ANO2: variants seen among roughly 807,000 people sequenced by gnomAD.
ANO2 encodes anoctamin-2.
ANO2 carries 101 observed loss-of-function variants against 124.2 expected under a neutral mutation model. The ratio of observed to expected loss-of-function variants is 0.81; its 90% CI spans 0.69 to 0.96. The LOEUF (loss-of-function observed/expected upper bound fraction) is 0.96. Ranked by LOEUF, ANO2 falls within the 40% of genes least tolerant of loss-of-function variation. The pLI is 0.00. For missense variants in ANO2, 1,293 were observed against 1,274.5 expected (o/e 1.01, Z -0.22); for synonymous variants, 486 against 482.5 (o/e 1.01, Z -0.09).
At chr12:5,713,595 G>C (rs532766358) in intron 14 of ANO2, among the ~76,000 whole-genome samples, 15 of 152,182 alleles carry the variant, frequency 9.9e-5, no homozygotes, top group Non-Finnish European at 2.2e-4. Flanking sequence ...AGAGGGGTCA[G>C]TGTAAAAACA....
chr12:5,829,754 A>G (rs945623816), intron 6 of ANO2, among the ~76,000 whole-genome samples: 2 of 152,200 alleles, frequency 1.3e-5, no homozygotes, highest in African/African-American at 4.8e-5. Flanking sequence ...GATGTTCTAC[A>G]GCTCATGCAG....
chr12:5,816,723 T>C (rs1565692618), intron 7 of ANO2, among the ~76,000 whole-genome samples: 1 of 152,306 alleles, frequency 6.6e-6, no homozygotes. Context: ...ATGATTTACA[T>C]TGATACTTAG....
chr12:5,583,008 G>A (rs549257121), intron 20 of ANO2, among the ~76,000 whole-genome samples: 1 of 152,250 alleles, frequency 6.6e-6, no homozygotes, highest in Admixed American at 6.5e-5. Context: ...CTCCCTAGAT[G>A]GAAAGCCCCT....
intron 20 of ANO2, among the ~76,000 whole-genome samples, chr12:5,583,310 CAGTT>C (rs1471998830): frequency 2.0e-5 from 3 of 152,172 alleles, no homozygotes; most frequent in Non-Finnish European, 4.4e-5. Context: ...GTAGTAAAAA[CAGTT>C]GGTTAGGAGA....
intron 3 of ANO2, among the ~76,000 whole-genome samples, chr12:5,918,615 A>AT (rs1303009056): frequency 2.6e-5 from 4 of 151,878 alleles, no homozygotes; most frequent in Non-Finnish European, 5.9e-5. Flanking sequence ...AACTTTTTGT[A>AT]TTTTTAGTAG....
At chr12:5,903,717 T>C (rs1018236921) in intron 3 of ANO2, among the ~76,000 whole-genome samples, 3 of 151,870 alleles carry the variant, frequency 2.0e-5, no homozygotes, top group Non-Finnish European at 4.4e-5. Context: ...TTCACAATTA[T>C]CCAAACTGGC....
At chr12:5,674,541 C>T (rs1366564046) in intron 14 of ANO2, among the ~76,000 whole-genome samples, 1 of 152,234 alleles carries the variant, frequency 6.6e-6, no homozygotes, top group Non-Finnish European at 1.5e-5. Flanking sequence ...ACGTGGCTTG[C>T]ACTCAGGTCA....
rs569384029 is a variant in ANO2 at position 5,777,900 on chromosome 12, T to G, written c.1055+21607A>C. Among the ~76,000 whole-genome samples, 3 of 152,268 alleles carry G rather than the reference T, an allele frequency of 2.0e-5. No homozygotes were observed. In the East Asian group the frequency reaches 5.8e-4, roughly 29 times the overall value. On this transcript the variant is annotated intron_variant, in intron 10 of 24. Transcript: ENST00000682330. ...GAAATAGCCCCCAAATGTCAAACAC[T>G]GGGATGGGTAAGGTGACTCATGTGA...
At chr12:5,698,113 CAG>C (rs1746916734) in intron 14 of ANO2, among the ~76,000 whole-genome samples, 1 of 152,338 alleles carries the variant, frequency 6.6e-6, no homozygotes, top group South Asian at 2.1e-4. Context: ...TCTCTCAACA[CAG>C]AGTTTGAGAT....
chr12:5,771,788 A>T (rs1283429340), intron 10 of ANO2, among the ~76,000 whole-genome samples: 1 of 152,198 alleles, frequency 6.6e-6, no homozygotes, highest in Non-Finnish European at 1.5e-5. Flanking sequence ...ATAAAAATAA[A>T]ACAGAATTCT....
intron 3 of ANO2, among the ~76,000 whole-genome samples, chr12:5,894,159 T>C (rs1006727984): frequency 2.0e-5 from 3 of 152,194 alleles, no homozygotes; most frequent in African/African-American, 7.2e-5. Context: ...TGTTGTTTCC[T>C]GACTTTTTAA....
At chr12:5,640,971 A>G (rs1474270513) in intron 15 of ANO2, among the ~76,000 whole-genome samples, 1 of 152,220 alleles carries the variant, frequency 6.6e-6, no homozygotes, top group Admixed American at 6.5e-5. Flanking sequence ...CTTGGAACCA[A>G]CCCAAATGTC....
At chr12:5,779,927 G>A (rs1952335823) in intron 10 of ANO2, among the ~76,000 whole-genome samples, 1 of 152,178 alleles carries the variant, frequency 6.6e-6, no homozygotes, top group South Asian at 2.1e-4. Flanking sequence ...TGACATGTGA[G>A]CCTAGGTTGA....
At chr12:5,845,885 A>G (rs1052715483) in intron 4 of ANO2, among the ~76,000 whole-genome samples, 1 of 152,252 alleles carries the variant, frequency 6.6e-6, no homozygotes, top group Non-Finnish European at 1.5e-5. Context: ...AATCACGTAC[A>G]TAAGGCTCTT....
chr12:5,724,620 G>A (rs1950361623), intron 14 of ANO2, among the ~76,000 whole-genome samples: 1 of 152,194 alleles, frequency 6.6e-6, no homozygotes, highest in Non-Finnish European at 1.5e-5. Flanking sequence ...TGTCGTAAAT[G>A]TTTCAGTGCT....
intron 4 of ANO2, among the ~76,000 whole-genome samples, chr12:5,837,886 G>A (rs193061893): frequency 3.3e-5 from 5 of 151,894 alleles, no homozygotes; most frequent in Admixed American, 3.3e-4. Flanking sequence ...AGGAAATAGA[G>A]ACACAAAAAA....
intron 14 of ANO2, among the ~76,000 whole-genome samples, chr12:5,674,989 A>G (rs1329812361): frequency 6.6e-6 from 1 of 152,160 alleles, no homozygotes; most frequent in African/African-American, 2.4e-5. Context: ...GAGTTGCCCA[A>G]GGTCACTCTG....
chr12:5,708,425 T>C (rs1245179709), intron 14 of ANO2, among the ~76,000 whole-genome samples: 2 of 152,228 alleles, frequency 1.3e-5, no homozygotes, highest in Non-Finnish European at 2.9e-5. Context: ...CTGCATGATC[T>C]AGCTCCTCTT....
rs371690401 is a variant in ANO2, at chr12:5,862,205, C to T, written c.535-8064G>A. ...GATGAGAGTACTGGAATCTCCTCTCCAACCCTGTCCTGCATAGGCCAAGGT... is the reference window on the plus strand; with the variant it reads ...GATGAGAGTACTGGAATCTCCTCTCTAACCCTGTCCTGCATAGGCCAAGGT... On this transcript the variant is annotated intron_variant, in intron 3 of 24. Transcript: ENST00000682330. The surrounding 1 kb of genome is among the most constrained non-coding windows in gnomAD (Gnocchi z 4.0). 6.6e-6 allele frequency among the ~76,000 whole-genome samples: 1 copy of T among 152,144 alleles called. No homozygotes were observed. The highest frequency in any genetic ancestry group is 2.4e-5 in the African/African-American group (1 of 41,432).
Sources: gnomAD v4.1 joint callset for allele counts (sites outside exome capture counted in the v4.1 genomes callset) on GRCh38, gnomAD v4.1.1 for gene constraint, Gnocchi (gnomAD v3.1) non-coding constraint, MANE v1.5 for transcripts, NCBI Gene and HGNC (gene_info 2026-07-23, HGNC 2026-07-21) for gene names.